Variants in KCTD3 observed in about 807,000 individuals in gnomAD.
The protein encoded by KCTD3 is potassium channel tetramerization domain containing 3, also known as BTB/POZ domain-containing protein KCTD3.
A neutral mutation model predicts 85.8 loss-of-function variants in KCTD3; 41 were observed. The observed-to-expected ratio is 0.48, with a 90% CI of 0.37 to 0.62. KCTD3 has a LOEUF of 0.62. Among genes scored for constraint, KCTD3 ranks in the 20% least tolerant of loss-of-function variants. KCTD3 has a pLI of 0.00. For missense variants in KCTD3, 724 were observed against 989.9 expected (o/e 0.73, Z 3.60); for synonymous variants, 338 against 345.4 (o/e 0.98, Z 0.24).
chr1:215,568,896 T>C (rs1378163950), intron 1 of KCTD3, among the ~76,000 whole-genome samples: 1 of 152,098 alleles, frequency 6.6e-6, no homozygotes, highest in Non-Finnish European at 1.5e-5. Context: ...GTTATTGCAG[T>C]TGTATAGAAA....
Position 215,620,056 on chromosome 1 carries a change from G to A in KCTD3, c.1887-1G>A, listed in dbSNP as rs1219982566. 2 of 1,563,888 alleles carry A rather than the reference G, an allele frequency of 1.3e-6. No homozygotes were observed. Among genetic ancestry groups the A allele is most frequent in the Non-Finnish European group, 1.7e-6 (2 of 1,161,012 alleles). On this transcript the variant is annotated splice_acceptor_variant, in intron 17 of 17. Transcript: ENST00000259154. LOFTEE classifies it high-confidence loss of function. ...TGTCATTTTTAAAAACTGTATTTCA[G>A]CCTTCAGCTTCAGCACCATGATACC...
At chr1:215,619,352 A>G in intron 17 of KCTD3, 61 bp downstream of exon 17, 1 of 1,367,676 alleles carries the variant, frequency 7.3e-7, no homozygotes, top group Non-Finnish European at 1.0e-6. Context: ...ATTGACTGAA[A>G]TATTGTAATC....
chr1:215,578,645 C>T lies in KCTD3; in HGVS notation c.398-355C>T, dbSNP rs142893971. Among the ~76,000 whole-genome samples the T allele has an allele frequency of 1.6e-4, 24 of 152,244 alleles. No homozygotes were observed. In the East Asian group the frequency reaches 4.6e-3, roughly 29 times the overall value. On this transcript the variant is annotated intron_variant, in intron 6 of 17. Transcript: ENST00000259154. ...TTTGAAAGTATGGGGAATTTCAGTT[C>T]TAAAGCAGTTAAATTATTACATAGT...
chr1:215,579,180 T>C, intron 7 of KCTD3, 43 bp downstream of exon 7: 1 of 1,533,476 alleles, frequency 6.5e-7, no homozygotes, highest in Non-Finnish European at 9.0e-7. Flanking sequence ...AATACGTATG[T>C]TTTTAGTGCT....
intron 9 of KCTD3, among the ~76,000 whole-genome samples, chr1:215,591,644 G>A (rs1213645964): frequency 1.3e-5 from 2 of 152,012 alleles, no homozygotes; most frequent in African/African-American, 2.4e-5. Context: ...GTGAGCCACC[G>A]CGCCCGGCCA....
intron 12 of KCTD3, among the ~76,000 whole-genome samples, chr1:215,603,915 G>C (rs1353741643): frequency 6.6e-6 from 1 of 152,134 alleles, no homozygotes; most frequent in African/African-American, 2.4e-5. Flanking sequence ...GAATAGTTAC[G>C]TCTTGGAGTG....
chr1:215,619,634 T>G (rs1309910395), intron 17 of KCTD3, among the ~76,000 whole-genome samples: 1 of 152,314 alleles, frequency 6.6e-6, no homozygotes, highest in Admixed American at 6.5e-5. Context: ...AGGGACAATA[T>G]TTATCTGTGG....
intron 12 of KCTD3, among the ~76,000 whole-genome samples, chr1:215,603,339 T>C (rs573135951): frequency 6.6e-6 from 1 of 152,244 alleles, no homozygotes; most frequent in Non-Finnish European, 1.5e-5. Flanking sequence ...AATCAGTTAG[T>C]AAAACTAGAA....
chr1:215,611,968 T>C (rs757468025), intron 15 of KCTD3, 47 bp downstream of exon 15: 1 of 1,264,108 alleles, frequency 7.9e-7, no homozygotes, highest in Non-Finnish European at 1.2e-6. Flanking sequence ...CCACCTTTTG[T>C]CTTACAAAAC....
chr1:215,594,983 G>C (rs1660360174), intron 9 of KCTD3, among the ~76,000 whole-genome samples: 1 of 152,162 alleles, frequency 6.6e-6, no homozygotes, highest in African/African-American at 2.4e-5. Context: ...TATGGATTTT[G>C]TAACAATACA....
rs944298166 is a variant in KCTD3, at chr1:215,567,440, T to C, written c.-246T>C. On this transcript the variant is annotated 5_prime_UTR_variant, in exon 1 of 18. Coordinates refer to ENST00000259154, the MANE Select transcript of KCTD3 (RefSeq NM_016121.5). The stretch of plus-strand genomic sequence containing the variant: ...AAGAGGCCCGGGCGGCCCGGCGGCC[T>C]GGAGGCCGCGAAAGGTGGAGGCCGG... 7 of 225,694 alleles carry C rather than the reference T, an allele frequency of 3.1e-5. No individual in the cohort carries two copies. Among genetic ancestry groups the C allele is most frequent in the Non-Finnish European group, 4.2e-5 (5 of 118,068 alleles). The allele number at this position is 225,694 out of a possible 1,614,324, so 14.0% of individuals were successfully genotyped here. A position where few individuals can be genotyped will look rare whatever the true frequency, so the allele number is the denominator to read the frequency against.
chr1:215,580,842 A>T, intron 8 of KCTD3: 2 of 304,596 alleles, frequency 6.6e-6, no homozygotes, highest in South Asian at 5.3e-5. Context: ...AGAATCCCAG[A>T]TGTATTTTTT....
At chr1:215,608,296 T>TGTTTAGAATTTCA in intron 14 of KCTD3, 124 bp downstream of exon 14, 1 of 594,564 alleles carries the variant, frequency 1.7e-6, no homozygotes, top group Non-Finnish European at 2.7e-6. Context: ...TTTGAAATTC[T>TGTTTAGAATTTCA]AAACAGAATT....
At chr1:215,607,393 CGAG>C (rs1057271364) in intron 13 of KCTD3, among the ~76,000 whole-genome samples, 20 of 151,800 alleles carry the variant, frequency 1.3e-4, no homozygotes, top group Non-Finnish European at 2.5e-4. Flanking sequence ...TACAGCTAGA[CGAG>C]GAGACATTTC....
chr1:215,611,674 T>A (rs1051569117), intron 14 of KCTD3, 151 bp from the exon 15 acceptor site: 35 of 537,414 alleles, frequency 6.5e-5, no homozygotes, highest in Admixed American at 1.0e-4. Flanking sequence ...CTTGTATACA[T>A]TTATTGCATG....
rs778860191 is a variant in KCTD3 at position 215,579,114 on chromosome 1, C to T, written c.512C>T (p.Thr171Met). 10 of 1,608,656 alleles carry T rather than the reference C, an allele frequency of 6.2e-6. No individual in the cohort carries two copies. The highest frequency in any genetic ancestry group is 2.7e-5 in the African/African-American group (2 of 74,340). ...GNGTQPVLSGTGEETVRLGFP... is the reference protein window; with the variant it reads ...GNGTQPVLSGMGEETVRLGFP... ...GGTACACAGCCTGTTCTCTCTGGAA[C>T]GGGAGAAGAAACTGTTAGGCTAGGT... The change falls in exon 7 of 18, where the codon ACG (threonine) becomes ATG (methionine). Residue 171 changes from threonine (T) to methionine (M), a missense_variant. Physicochemically the swap from Thr to Met is moderately conservative, Grantham distance 81. Transcript: ENST00000259154.
intron 1 of KCTD3, among the ~76,000 whole-genome samples, chr1:215,567,993 A>C (rs888995102): frequency 6.6e-6 from 1 of 152,146 alleles, no homozygotes; most frequent in Non-Finnish European, 1.5e-5. Context: ...ATTACCGAGG[A>C]CCAGGCCCAT....
chr1:215,591,565 C>T (rs1660219497), intron 9 of KCTD3, among the ~76,000 whole-genome samples: 1 of 152,032 alleles, frequency 6.6e-6, no homozygotes, highest in African/African-American at 2.4e-5. Context: ...CCATCTTGAC[C>T]AAGATAGTCT....
At chr1:215,600,121 A>G (rs561448348) in intron 10 of KCTD3, among the ~76,000 whole-genome samples, 14 of 152,264 alleles carry the variant, frequency 9.2e-5, no homozygotes, top group African/African-American at 2.6e-4. Context: ...AAAGTACTCA[A>G]TGTTTTCCTG....
Sources: gnomAD v4.1 joint callset for allele counts (sites outside exome capture counted in the v4.1 genomes callset) on GRCh38, gnomAD v4.1.1 for gene constraint, MANE v1.5 for transcripts, NCBI Gene and HGNC (gene_info 2026-07-23, HGNC 2026-07-21) for gene names.